OSMR: variants seen among roughly 807,000 people sequenced by gnomAD.
The protein encoded by OSMR is oncostatin-M-specific receptor subunit beta.
OSMR carries 81 observed loss-of-function variants against 99.9 expected under a neutral mutation model. That is an observed-to-expected ratio of 0.81 (90% CI 0.68 to 0.97). The LOEUF (loss-of-function observed/expected upper bound fraction) is 0.97. Ranked by LOEUF, OSMR falls within the 50% of genes least tolerant of loss-of-function variation. OSMR has a pLI of 0.00. For missense variants in OSMR, 1,099 were observed against 1,153.4 expected (o/e 0.95, Z 0.68); for synonymous variants, 406 against 410.4 (o/e 0.99, Z 0.13).
At chr5:38,922,591 T>G (rs944995566) in intron 12 of OSMR, among the ~76,000 whole-genome samples, 3 of 152,158 alleles carry the variant, frequency 2.0e-5, no homozygotes, top group Non-Finnish European at 4.4e-5. Context: ...AGTTGAGAAC[T>G]CTTGCTTCAA....
At chr5:38,919,410 G>A in intron 11 of OSMR, 7 of 1,213,600 alleles carry the variant, frequency 5.8e-6, no homozygotes, top group Non-Finnish European at 7.6e-6. Flanking sequence ...TTGTGAAATA[G>A]GAATTGCATT....
At chr5:38,941,243 T>C (rs1165048892) in intron 1 of OSMR, 1 of 232,656 alleles carries the variant, frequency 4.3e-6, no homozygotes, top group Admixed American at 5.6e-5. Context: ...AACACTGATA[T>C]AAAAATTAAG....
chr5:38,853,160 A>T (rs1740562800), intron 1 of OSMR, among the ~76,000 whole-genome samples: 1 of 152,202 alleles, frequency 6.6e-6, no homozygotes, highest in Non-Finnish European at 1.5e-5. Context: ...TGCCTAACAG[A>T]TTATAAAACT....
intron 2 of OSMR, among the ~76,000 whole-genome samples, chr5:38,873,534 G>A (rs191202299): frequency 1.3e-5 from 2 of 152,250 alleles, no homozygotes; most frequent in Admixed American, 6.5e-5. Flanking sequence ...CACTCAGGCC[G>A]GAGTTAACTT....
downstream of OSMR, chr5:38,945,286 A>G (rs1748066771): frequency 6.6e-6 from 4 of 608,480 alleles, no homozygotes; most frequent in Middle Eastern, 4.3e-4. Context: ...GACCTAATCC[A>G]GGGATCTGTC....
chr5:38,899,440 C>T (rs1336217846), intron 7 of OSMR, among the ~76,000 whole-genome samples: 1 of 152,152 alleles, frequency 6.6e-6, no homozygotes. Flanking sequence ...CAAGTTAGTA[C>T]CTAAGGTGCA....
rs115918265 is a variant in OSMR at position 38,873,955 on chromosome 5, C to G, written c.74-2246C>G. Among the ~76,000 whole-genome samples the G allele has an allele frequency of 3.3e-3, 506 of 152,144 alleles. 2 individuals are homozygous for G. Among genetic ancestry groups the G allele is most frequent in the African/African-American group, 0.012 (483 of 41,500 alleles). ...TCAAACCATCCTCCTATGTCAGCCT[C>G]TTGAGTAGCTGAGACTACACGTGCC... On this transcript the variant is annotated intron_variant, in intron 2 of 17. Coordinates refer to ENST00000274276, the MANE Select transcript of OSMR (RefSeq NM_003999.3).
chr5:38,922,790 G>T (rs1746296807), intron 12 of OSMR, among the ~76,000 whole-genome samples: 1 of 152,080 alleles, frequency 6.6e-6, no homozygotes, highest in South Asian at 2.1e-4. Flanking sequence ...GGGGGGTGTG[G>T]TGGGGAACAG....
intron 1 of OSMR, among the ~76,000 whole-genome samples, chr5:38,862,741 TCCTCACTTCCCAGACGGGGTGGC>T (rs1741557652): frequency 1.3e-5 from 2 of 151,086 alleles, no homozygotes; most frequent in African/African-American, 4.9e-5. Flanking sequence ...GAAGAGGCGC[TCCTCACTTCCCAGACGGGGTGGC>T]GGCCGGGCAG....
chr5:38,937,233 CTG>C (rs1747092076), downstream of OSMR, among the ~76,000 whole-genome samples: 1 of 152,088 alleles, frequency 6.6e-6, no homozygotes, highest in African/African-American at 2.4e-5. This position sits in a 1 kb window ranked among gnomAD's most constrained non-coding sequence, Gnocchi z 4.0. Context: ...CGGGGTTTCA[CTG>C]TGTTAGCCAG....
In OSMR at chr5:38,931,969, G is replaced by A; in HGVS notation, c.2294+5G>A. ...GTGCTACTTGAAAAGTCAGTGGTAA[G>A]TGTGTGAGGAAGGTTTTATCCAAGA... On this transcript the variant is annotated splice_donor_5th_base_variant and intron_variant, in intron 16 of 17. Transcript: ENST00000274276. 1.9e-6 allele frequency: 3 copies of A among 1,608,596 alleles called. No homozygotes were observed. The highest frequency in any genetic ancestry group is 2.6e-6 in the Non-Finnish European group (3 of 1,175,138).
In OSMR at chr5:38,933,260, C is replaced by T. The variant is rs762388647; in HGVS notation, c.2756C>T (p.Ser919Phe). 6.2e-7 allele frequency: 1 copy of T among 1,614,140 alleles called. No homozygotes were observed. The highest frequency in any genetic ancestry group is 8.5e-7 in the Non-Finnish European group (1 of 1,179,982). ...GGAGAAACAAGTTTGAATTATGTGTCCCAGTTGGCTTCACCCATGTTTGGA... is the reference window on the plus strand; with the variant it reads ...GGAGAAACAAGTTTGAATTATGTGTTCCAGTTGGCTTCACCCATGTTTGGA... Reference protein sequence around the residue: ...PAGETSLNYVSQLASPMFGDK... With the variant: ...PAGETSLNYVFQLASPMFGDK... Residue 919 changes from serine (S) to phenylalanine (F), a missense_variant, in exon 18 of 18, where the codon TCC becomes TTC. Ser to Phe is a radical substitution (Grantham distance 155). Transcript: ENST00000274276.
At position 38,932,948 on chromosome 5, in the gene OSMR, G is replaced by A. The variant is rs768721399; in HGVS notation, c.2444G>A (p.Gly815Glu). The A allele has an allele frequency of 6.2e-6, 10 of 1,614,012 alleles. No individual in the cohort carries two copies. The highest frequency in any genetic ancestry group is 7.6e-6 in the Non-Finnish European group (9 of 1,180,032). Residue 815 changes from glycine (G) to glutamate (E), a missense_variant, in exon 18 of 18, where the codon GGG becomes GAG. Gly to Glu is a moderately conservative substitution (Grantham distance 98). Transcript: ENST00000274276. ...ATTGAAGTTGTAAGCAAGCCAGAAG[G>A]GACAAAGATACAGTTCCTAGGCACT... ...DAIEVVSKPE[G>E]TKIQFLGTRK...
intron 7 of OSMR, among the ~76,000 whole-genome samples, chr5:38,889,441 G>C (rs1744009094): frequency 6.6e-6 from 1 of 151,202 alleles, no homozygotes; most frequent in Non-Finnish European, 1.5e-5. Context: ...TTTTTGCTCT[G>C]GTAACTACTT....
At chr5:38,878,802 C>G (rs555234616) in intron 3 of OSMR, among the ~76,000 whole-genome samples, 12 of 152,282 alleles carry the variant, frequency 7.9e-5, no homozygotes, top group Admixed American at 3.9e-4. Flanking sequence ...AAAGTTTTAT[C>G]TCCTACATTA....
Position 38,933,084 on chromosome 5 carries a change from C to CTA in OSMR, c.2583_2584dup (p.Asn862IlefsTer26), listed in dbSNP as rs755984172. 1.9e-6 allele frequency: 3 copies of CTA among 1,614,066 alleles called. No individual in the cohort carries two copies. The highest frequency in any genetic ancestry group is 1.1e-5 in the South Asian group (1 of 91,088). On this transcript the variant is annotated frameshift_variant, in exon 18 of 18. Coordinates refer to ENST00000274276, the MANE Select transcript of OSMR (RefSeq NM_003999.3). LOFTEE classifies it low-confidence loss of function (END_TRUNC). ...CCTGCATCTGTTTTGAGAACTTGAC[C>CTA]TATAACCAGGCAGCTTCTGACTCTG... is the stretch of plus-strand genomic sequence containing the variant.
intron 7 of OSMR, among the ~76,000 whole-genome samples, chr5:38,890,865 T>C (rs900452040): frequency 4.0e-5 from 6 of 151,812 alleles, no homozygotes; most frequent in Non-Finnish European, 7.4e-5. Context: ...ATTCTTAAGA[T>C]GACTATTGAC....
At chr5:38,882,761 C>A (rs1040152201) in intron 4 of OSMR, among the ~76,000 whole-genome samples, 4 of 152,220 alleles carry the variant, frequency 2.6e-5, no homozygotes, top group African/African-American at 9.6e-5. Flanking sequence ...TGAATTAAAT[C>A]TATGACCTAG....
chr5:38,902,641 C>T (rs1224547181), intron 7 of OSMR, among the ~76,000 whole-genome samples: 2 of 152,184 alleles, frequency 1.3e-5, no homozygotes, highest in Non-Finnish European at 2.9e-5. Flanking sequence ...CTAACTGCAC[C>T]GTTTGGGTCT....
Sources: allele counts gnomAD v4.1 joint callset (sites outside exome capture counted in the v4.1 genomes callset), GRCh38; gene constraint gnomAD v4.1.1; non-coding constraint Gnocchi (gnomAD v3.1); transcripts MANE v1.5; gene names NCBI Gene and HGNC (gene_info 2026-07-23, HGNC 2026-07-21).